Variants in CAPN3 observed in about 807,000 individuals in gnomAD.
CAPN3 encodes calpain-3.
In CAPN3, 88 loss-of-function variants were observed where a neutral mutation model predicts 114.0. The ratio of observed to expected loss-of-function variants is 0.77; its 90% CI spans 0.65 to 0.92. The LOEUF is 0.92. CAPN3 is among the 40% of genes least tolerant of loss of function. The pLI, the probability that CAPN3 is intolerant of heterozygous loss-of-function variation, is 0.00. For missense variants in CAPN3, 1,028 were observed against 1,069.0 expected (o/e 0.96, Z 0.53); for synonymous variants, 386 against 382.9 (o/e 1.01, Z -0.09).
chr15:42,383,315 G>A (rs1480483533), intron 1 of CAPN3, among the ~76,000 whole-genome samples: 2 of 152,166 alleles, frequency 1.3e-5, no homozygotes, highest in Non-Finnish European at 2.9e-5. Flanking sequence ...CTAGCCTGGC[G>A]CGGTGGCTCA....
At chr15:42,406,204 T>G (rs1045076086) in intron 15 of CAPN3, among the ~76,000 whole-genome samples, 1 of 152,218 alleles carries the variant, frequency 6.6e-6, no homozygotes, top group African/African-American at 2.4e-5. Context: ...AGATTAGTAC[T>G]ATAACTATCC....
At chr15:42,407,503 G>GT (rs1264323631) in intron 15 of CAPN3, among the ~76,000 whole-genome samples, 4 of 152,106 alleles carry the variant, frequency 2.6e-5, no homozygotes, top group African/African-American at 7.2e-5. Context: ...TAATTTTTTT[G>GT]TATCTTTAGT....
intron 14 of CAPN3, chr15:42,404,785 C>G (rs1197294737): frequency 1.8e-6 from 2 of 1,101,528 alleles, no homozygotes; most frequent in Non-Finnish European, 2.2e-6. Flanking sequence ...TGGTCATAAT[C>G]CTGACCCTGA....
At chr15:42,374,676 C>T (rs1401524703) in intron 1 of CAPN3, 1 of 152,060 alleles carries the variant, frequency 6.6e-6, no homozygotes, top group African/African-American at 2.4e-5. Flanking sequence ...CTGCTCCTTC[C>T]TGAAACTGGA....
At position 42,412,100 on chromosome 15, in the gene CAPN3, C is replaced by T; in HGVS notation, c.*327C>T. On this transcript the variant is annotated 3_prime_UTR_variant, in exon 24 of 24. Transcript: ENST00000397163. ...CCTTGCTCTAGGCTGTCTGCAGAAG[C>T]ACCTGCCGGTGGCACTCAGCACCTC... 1.3e-6 allele frequency: 2 copies of T among 1,535,308 alleles called. No homozygotes were observed. The highest frequency in any genetic ancestry group is 8.7e-7 in the Non-Finnish European group (1 of 1,146,690).
At chr15:42,395,207 C>T (rs770700788) in intron 8 of CAPN3, among the ~76,000 whole-genome samples, 1 of 152,160 alleles carries the variant, frequency 6.6e-6, no homozygotes, top group Non-Finnish European at 1.5e-5. Context: ...TTCTGTGAAC[C>T]CATAGCCTCC....
intron 1 of CAPN3, among the ~76,000 whole-genome samples, chr15:42,362,466 G>A (rs755690827): frequency 6.6e-6 from 1 of 152,034 alleles, no homozygotes; most frequent in Non-Finnish European, 1.5e-5. Flanking sequence ...GTTCTAAATT[G>A]TGCCCCCACC....
intron 16 of CAPN3, 189 bp downstream of exon 16, chr15:42,408,513 C>T: frequency 1.7e-6 from 1 of 594,466 alleles, no homozygotes; most frequent in South Asian, 1.6e-5. Flanking sequence ...GTGAATATCC[C>T]AGGATGGGGG....
In CAPN3 at chr15:42,402,953, G is replaced by A. The variant is rs747819910; in HGVS notation, c.1696G>A (p.Glu566Lys). ...GCCCTCCACCTACGAGCCCCACCAGGAGGGGGAATTCATCCTCCGGGTCTT... is the reference window on the plus strand; with the variant it reads ...GCCCTCCACCTACGAGCCCCACCAGAAGGGGGAATTCATCCTCCGGGTCTT... ...IVPSTYEPHQEGEFILRVFSE... is the reference protein window; with the variant it reads ...IVPSTYEPHQKGEFILRVFSE... Residue 566 changes from glutamate to lysine, a missense_variant, in exon 13 of 24, where the codon GAG becomes AAG. Physicochemically the swap from Glu to Lys is moderately conservative, Grantham distance 56. Transcript: ENST00000397163. 31 of 1,614,118 alleles carry A rather than the reference G, an allele frequency of 1.9e-5. No individual in the cohort carries two copies. The highest frequency in any genetic ancestry group is 1.2e-5 in the Non-Finnish European group (14 of 1,180,052).
chr15:42,360,666 G>T (rs1419516955), intron 1 of CAPN3, among the ~76,000 whole-genome samples: 1 of 152,186 alleles, frequency 6.6e-6, no homozygotes, highest in Non-Finnish European at 1.5e-5. Context: ...AAGAGAGAGA[G>T]ACCTAGCAAT....
intron 8 of CAPN3, among the ~76,000 whole-genome samples, chr15:42,395,691 A>C (rs565234773): frequency 8.5e-5 from 13 of 152,274 alleles, no homozygotes; most frequent in African/African-American, 2.9e-4. Flanking sequence ...CCTGCTTACC[A>C]TGATGCTGCC....
intron 9 of CAPN3, among the ~76,000 whole-genome samples, chr15:42,398,642 TACACACATATATATAC>T (rs1566979048): frequency 6.9e-6 from 1 of 144,686 alleles, no homozygotes; most frequent in African/African-American, 2.6e-5. Context: ...CACATATATA[TACACACATATATATAC>T]ACACACATAT....
chr15:42,404,482 C>T (rs2053964284), intron 14 of CAPN3: 2 of 456,452 alleles, frequency 4.4e-6, no homozygotes, highest in Non-Finnish European at 8.8e-6. Flanking sequence ...TGAATGACTT[C>T]TCTGAGTTCA....
intron 1 of CAPN3, among the ~76,000 whole-genome samples, chr15:42,362,362 C>A (rs2052667468): frequency 6.6e-6 from 1 of 152,192 alleles, no homozygotes; most frequent in Admixed American, 6.5e-5. Context: ...GCGAGACTTA[C>A]AAATTAATAA....
intron 1 of CAPN3, among the ~76,000 whole-genome samples, chr15:42,368,666 T>G (rs77978790): frequency 1.3e-5 from 2 of 152,202 alleles, no homozygotes; most frequent in African/African-American, 4.8e-5. Context: ...GTTCTCAGCG[T>G]TATTATAAAA....
chr15:42,391,589 G>A (rs2412710), intron 6 of CAPN3, among the ~76,000 whole-genome samples: 5,375 of 152,218 alleles, frequency 0.035, 167 homozygotes, highest in African/African-American at 0.078. Context: ...GCAAGGCTCC[G>A]GGAAGCTCCT....
chr15:42,370,304 A>T (rs964505274), intron 1 of CAPN3, among the ~76,000 whole-genome samples: 1 of 152,208 alleles, frequency 6.6e-6, no homozygotes, highest in Non-Finnish European at 1.5e-5. Context: ...GCCAGGAGTC[A>T]TTTGACCTGT....
intron 1 of CAPN3, among the ~76,000 whole-genome samples, chr15:42,379,362 C>T (rs1055089373): frequency 5.9e-5 from 9 of 151,886 alleles, no homozygotes; most frequent in African/African-American, 1.9e-4. Context: ...TGTGTTCTGT[C>T]TTACTGACTT....
At chr15:42,371,930 C>CTAGA (rs1462543353) in intron 1 of CAPN3, among the ~76,000 whole-genome samples, 1 of 151,316 alleles carries the variant, frequency 6.6e-6, no homozygotes, top group Non-Finnish European at 1.5e-5. Flanking sequence ...TAGTACTGCA[C>CTAGA]TCTAGCCTGG....
Sources: allele counts gnomAD v4.1 joint callset (sites outside exome capture counted in the v4.1 genomes callset), GRCh38; gene constraint gnomAD v4.1.1; transcripts MANE v1.5; gene names NCBI Gene and HGNC (gene_info 2026-07-23, HGNC 2026-07-21).